The following ZMAT3 variants were observed in gnomAD, a reference collection of about 807,000 sequenced individuals.
The protein encoded by ZMAT3 is zinc finger matrin-type protein 3.
Under a neutral mutation model 32.3 loss-of-function variants are expected in ZMAT3, and 17 were observed. The observed-to-expected ratio is 0.53, with a 90% CI of 0.36 to 0.79. ZMAT3 has a LOEUF of 0.79. Among genes scored for constraint, ZMAT3 ranks in the 30% least tolerant of loss-of-function variants. The probability of loss-of-function intolerance (pLI) is 0.00; values close to 1 mark genes in which losing one functional copy is unlikely to be tolerated. For synonymous variants in ZMAT3, 120 were observed against 133.1 expected (o/e 0.90, Z 0.68); for missense variants, 329 against 359.7 (o/e 0.91, Z 0.69).
At chr3:179,049,785 G>T (rs1052735244) in intron 2 of ZMAT3, among the ~76,000 whole-genome samples, 2 of 151,982 alleles carry the variant, frequency 1.3e-5, no homozygotes, top group African/African-American at 4.8e-5. Flanking sequence ...GAGGTCAAGA[G>T]ATCAAGACCA....
At chr3:179,071,551 G>A (rs928969328) in intron 1 of ZMAT3, 44 bp downstream of exon 1, 1 of 152,172 alleles carries the variant, frequency 6.6e-6, no homozygotes, top group East Asian at 1.9e-4. Flanking sequence ...GCGCTCCAGG[G>A]GCTCGTCCTG....
At chr3:179,062,605 A>T (rs1398881376) in intron 2 of ZMAT3, among the ~76,000 whole-genome samples, 1 of 152,238 alleles carries the variant, frequency 6.6e-6, no homozygotes, top group Non-Finnish European at 1.5e-5. Flanking sequence ...AAAAGCCTAC[A>T]GAGCTGGCGA....
At chr3:179,057,438 GT>G (rs917628391) in intron 2 of ZMAT3, among the ~76,000 whole-genome samples, 6 of 152,162 alleles carry the variant, frequency 3.9e-5, no homozygotes, top group Non-Finnish European at 7.3e-5. Flanking sequence ...CACCTGGACT[GT>G]TTTACCCTAA....
At chr3:179,067,306 G>A (rs1331921129) in intron 2 of ZMAT3, among the ~76,000 whole-genome samples, 177 bp downstream of exon 2, 1 of 152,170 alleles carries the variant, frequency 6.6e-6, no homozygotes, top group African/African-American at 2.4e-5. Flanking sequence ...TACAAAAAGT[G>A]ATACTTATTT....
At chr3:179,059,904 C>G (rs1357863199) in intron 2 of ZMAT3, among the ~76,000 whole-genome samples, 1 of 152,124 alleles carries the variant, frequency 6.6e-6, no homozygotes, top group Non-Finnish European at 1.5e-5. Context: ...ACCGTGTCCA[C>G]CTTTAAACAC....
At chr3:179,045,355 G>A (rs967791867) in intron 2 of ZMAT3, among the ~76,000 whole-genome samples, 10 of 152,112 alleles carry the variant, frequency 6.6e-5, no homozygotes, top group Non-Finnish European at 7.3e-5. Context: ...AGTATTGTTT[G>A]TAACAGCAAA....
intron 2 of ZMAT3, among the ~76,000 whole-genome samples, chr3:179,053,269 G>C (rs1720666176): frequency 6.7e-6 from 1 of 149,498 alleles, no homozygotes; most frequent in African/African-American, 2.4e-5. Flanking sequence ...ATTCTATATA[G>C]AGATAATTTA....
At chr3:179,059,485 G>T (rs569926822) in intron 2 of ZMAT3, among the ~76,000 whole-genome samples, 4 of 152,328 alleles carry the variant, frequency 2.6e-5, no homozygotes, top group Admixed American at 2.6e-4. Context: ...GTCAGGGCCT[G>T]TGAAGTGTGC....
intron 2 of ZMAT3, 29 bp from the exon 3 acceptor site, chr3:179,031,028 A>G: frequency 6.3e-7 from 1 of 1,594,500 alleles, no homozygotes; most frequent in African/African-American, 1.3e-5. Flanking sequence ...TGAGTACAGC[A>G]GTCCACCCTT....
chr3:179,030,917 T>A lies in ZMAT3; in HGVS notation c.353A>T (p.Glu118Val). ...TGGAACAACTGGAGTAGCTGCAGGC[T>A]CGACCACATTGCTCATTCTAGCAGG... is the stretch of plus-strand genomic sequence containing the variant. ...PPPARMSNVV[E>V]PAATPVVPVP... is the part of the protein sequence containing the mutation. Residue 118 changes from glutamate to valine, a missense_variant, in exon 3 of 6, where the codon GAG becomes GTG. Physicochemically the swap from Glu to Val is moderately radical, Grantham distance 121 (BLOSUM62 -2). Transcript: ENST00000311417. 6.2e-6 allele frequency: 10 copies of A among 1,613,992 alleles called. No homozygotes were observed. The highest frequency in any genetic ancestry group is 8.5e-6 in the Non-Finnish European group (10 of 1,179,932).
intron 2 of ZMAT3, among the ~76,000 whole-genome samples, chr3:179,055,815 C>T (rs1249225647): frequency 1.3e-5 from 2 of 152,122 alleles, no homozygotes; most frequent in East Asian, 1.9e-4. Context: ...AGAGAAGTGC[C>T]GCTGTAACTG....
At position 179,067,756 on chromosome 3, in the gene ZMAT3, G is replaced by A. The variant is rs756813674; in HGVS notation, c.-4C>T. The A allele has an allele frequency of 6.2e-7, 1 of 1,613,668 alleles. No homozygotes were observed. The highest frequency in any genetic ancestry group is 2.2e-5 in the East Asian group (1 of 44,874). On this transcript the variant is annotated 5_prime_UTR_variant, in exon 2 of 6. Coordinates refer to ENST00000311417, the MANE Select transcript of ZMAT3 (RefSeq NM_022470.4). ...CGGCGTGTTGCAAGAGGATCATTGG[G>A]TAGGGAAGCCTGGGGCATAATCCAG...
chr3:179,035,798 G>A (rs1041223750), intron 2 of ZMAT3, among the ~76,000 whole-genome samples: 3 of 152,184 alleles, frequency 2.0e-5, no homozygotes, highest in African/African-American at 7.2e-5. Context: ...AGAACACAGA[G>A]AAGGAATTTC....
At chr3:179,044,417 G>C (rs1202361762) in intron 2 of ZMAT3, among the ~76,000 whole-genome samples, 1 of 152,196 alleles carries the variant, frequency 6.6e-6, no homozygotes, top group Non-Finnish European at 1.5e-5. Context: ...GGTCAAGGCA[G>C]GAGGATCACA....
intron 2 of ZMAT3, among the ~76,000 whole-genome samples, chr3:179,056,246 A>T (rs1395596530): frequency 6.6e-6 from 1 of 152,100 alleles, no homozygotes; most frequent in African/African-American, 2.4e-5. Flanking sequence ...AGAACTTAGA[A>T]ACCCTATTTA....
rs190080697 is a variant in ZMAT3, at chr3:179,060,862, A to C, written c.270+6621T>G. ...ACACAAAATTAAAACAGGTCACCAA[A>C]AAAAGAATAAGAATCAGAAGATTTC... is the stretch of plus-strand genomic sequence containing the variant. On this transcript the variant is annotated intron_variant, in intron 2 of 5. Transcript: ENST00000311417. 5.1e-4 allele frequency among the ~76,000 whole-genome samples: 77 copies of C among 152,294 alleles called. 2 individuals are homozygous for C. Among genetic ancestry groups the C allele is most frequent in the African/African-American group, 1.8e-3 (76 of 41,566 alleles).
intron 2 of ZMAT3, among the ~76,000 whole-genome samples, chr3:179,033,348 CGGA>C (rs924273985): frequency 1.3e-5 from 2 of 152,090 alleles, no homozygotes; most frequent in Admixed American, 1.3e-4. Flanking sequence ...ACAAACACTG[CGGA>C]AGGCGGAAGG....
chr3:179,062,320 G>A (rs1271928709), intron 2 of ZMAT3, among the ~76,000 whole-genome samples: 1 of 152,142 alleles, frequency 6.6e-6, no homozygotes, highest in African/African-American at 2.4e-5. Flanking sequence ...GAGAGGAGAG[G>A]AGAAAGGTTG....
chr3:179,070,913 T>C (rs1413998203), intron 1 of ZMAT3, among the ~76,000 whole-genome samples: 2 of 152,248 alleles, frequency 1.3e-5, no homozygotes, highest in South Asian at 4.1e-4. Context: ...TCTTGTCTCA[T>C]TTGGAGAAAT....
Sources: gnomAD v4.1 joint callset for allele counts (sites outside exome capture counted in the v4.1 genomes callset) on GRCh38, gnomAD v4.1.1 for gene constraint, MANE v1.5 for transcripts, NCBI Gene and HGNC (gene_info 2026-07-23, HGNC 2026-07-21) for gene names.